Variants in HTRA3 observed in about 807,000 individuals in gnomAD.
The protein encoded by HTRA3 is serine protease HTRA3.
In HTRA3, 41 loss-of-function variants were observed where a neutral mutation model predicts 43.2. That is an observed-to-expected ratio of 0.95 (90% CI 0.74 to 1.23). The LOEUF is 1.23. Among genes scored for constraint, HTRA3 ranks in the 50% most tolerant of loss-of-function variants. The pLI is 0.00. For synonymous variants in HTRA3, 295 were observed against 287.9 expected, an observed-to-expected ratio of 1.02 and a Z score of -0.25; for missense variants, 628 against 647.1, an observed-to-expected ratio of 0.97 and a Z score of 0.32.
At chr4:8,298,410 T>C (rs548360035) in intron 6 of HTRA3, among the ~76,000 whole-genome samples, 1 of 152,384 alleles carries the variant, frequency 6.6e-6, no homozygotes, top group East Asian at 1.9e-4. Context: ...AGGAGCCCTT[T>C]ATCAGATAAG....
At chr4:8,276,587 G>T (rs1578788304) in intron 1 of HTRA3, among the ~76,000 whole-genome samples, 1 of 152,244 alleles carries the variant, frequency 6.6e-6, no homozygotes, top group Admixed American at 6.5e-5. Flanking sequence ...GCCTTCAGTG[G>T]CATGGAAGTG....
Position 8,296,462 on chromosome 4 carries a change from C to G in HTRA3, c.1051+2261C>G. ...GCTTCTCTTTTTTATTTAATAAAAT[C>G]CAATGATCCAAACCCAGTTAATCTA... On this transcript the variant is annotated intron_variant, in intron 6 of 8. Coordinates refer to ENST00000307358, the MANE Select transcript of HTRA3 (RefSeq NM_053044.5). The surrounding 1 kb of genome is among the most constrained non-coding windows in gnomAD (Gnocchi z 5.3). 1.0e-6 allele frequency: 1 copy of G among 984,838 alleles called. No homozygotes were observed. The highest frequency in any genetic ancestry group is 1.2e-6 in the Non-Finnish European group (1 of 829,382). The allele number at this position is 984,838 out of a possible 1,614,324, so 61.0% of individuals were successfully genotyped here.
In HTRA3 at chr4:8,292,314, C is replaced by G. The variant is rs1471766084; in HGVS notation, c.904-7C>G. 1 of 1,612,866 alleles carries G rather than the reference C, an allele frequency of 6.2e-7. No individual in the cohort carries two copies. Among genetic ancestry groups the G allele is most frequent in the African/African-American group, 1.3e-5 (1 of 74,930 alleles). Reference sequence around the variant, plus strand: ...GGCACAGCTAATGCTGTTTCCTCCCCTTGCAGTACGGGAACTCCGGGGGAC... The same window carrying G: ...GGCACAGCTAATGCTGTTTCCTCCCGTTGCAGTACGGGAACTCCGGGGGAC... On this transcript the variant is annotated splice_region_variant and splice_polypyrimidine_tract_variant and intron_variant, in intron 4 of 8. Transcript: ENST00000307358.
chr4:8,286,929 C>T lies in HTRA3; in HGVS notation c.708+146C>T, dbSNP rs1222883028. The stretch of plus-strand genomic sequence containing the variant: ...GGCCCAGGGAGGACTGGCAGCTGGC[C>T]CAGGGTCACGGCTTGGAAAAGACCT... On this transcript the variant is annotated intron_variant, in intron 3 of 8. Transcript: ENST00000307358. The surrounding 1 kb of genome is among the most constrained non-coding windows in gnomAD (Gnocchi z 4.9). 4.6e-6 allele frequency: 3 copies of T among 650,310 alleles called. No individual in the cohort carries two copies. Among genetic ancestry groups the T allele is most frequent in the East Asian group, 2.7e-5 (1 of 36,616 alleles). 40.3% of individuals were successfully genotyped at this position (650,310 alleles called of 1,614,324 possible). A position where few individuals can be genotyped will look rare whatever the true frequency, so the allele number is the denominator to read the frequency against.
At chr4:8,299,197 G>C (rs1350107259) in intron 6 of HTRA3, among the ~76,000 whole-genome samples, 4 of 151,954 alleles carry the variant, frequency 2.6e-5, no homozygotes, top group Non-Finnish European at 2.9e-5. Flanking sequence ...ACTGGTTTTT[G>C]GGCATTTTTC....
At chr4:8,299,338 A>G (rs1471727801) in intron 6 of HTRA3, among the ~76,000 whole-genome samples, 7 of 152,214 alleles carry the variant, frequency 4.6e-5, no homozygotes, top group African/African-American at 1.7e-4. Context: ...TCACCATAAG[A>G]TATCCTGTAA....
chr4:8,271,153 TC>T (rs949640229), intron 1 of HTRA3, among the ~76,000 whole-genome samples: 1 of 152,108 alleles, frequency 6.6e-6, no homozygotes, highest in African/African-American at 2.4e-5. Flanking sequence ...CAGAACAGGC[TC>T]CGTGGAGCCT....
chr4:8,271,644 G>A (rs1712281476), intron 1 of HTRA3, among the ~76,000 whole-genome samples: 3 of 152,226 alleles, frequency 2.0e-5, no homozygotes, highest in African/African-American at 7.2e-5. Context: ...AGACCAAGGT[G>A]CCAGCAGGCT....
chr4:8,277,255 G>A (rs985394469), intron 1 of HTRA3, among the ~76,000 whole-genome samples: 2 of 152,220 alleles, frequency 1.3e-5, no homozygotes, highest in African/African-American at 4.8e-5. Context: ...GAAAAGCAAA[G>A]GAAGCTGCCC....
chr4:8,274,680 G>A (rs187203649), intron 1 of HTRA3, among the ~76,000 whole-genome samples: 2 of 152,314 alleles, frequency 1.3e-5, no homozygotes, highest in Non-Finnish European at 2.9e-5. Flanking sequence ...TCCACGGGAT[G>A]GTAAAAGCAG....
At chr4:8,275,507 C>G in intron 1 of HTRA3, among the ~76,000 whole-genome samples, 1 of 152,200 alleles carries the variant, frequency 6.6e-6, no homozygotes, top group East Asian at 1.9e-4. Context: ...GCATGGAGCC[C>G]AGAAGAGGAA....
Position 8,294,148 on chromosome 4 carries a change from C to G in HTRA3, c.998C>G (p.Pro333Arg), listed in dbSNP as rs750601573. ...ACGGCTGGCATCTCCTTTGCCATCC[C>G]CTCAGACCGCATCACACGGTTCCTC... ...KVTAGISFAI[P>R]SDRITRFLTE... Residue 333 changes from proline to arginine, a missense_variant, in exon 6 of 9, where the codon CCC becomes CGC. Physicochemically the swap from Pro to Arg is moderately radical, Grantham distance 103. Transcript: ENST00000307358. 6.2e-7 allele frequency: 1 copy of G among 1,612,706 alleles called. No homozygotes were observed. Among genetic ancestry groups the G allele is most frequent in the Non-Finnish European group, 8.5e-7 (1 of 1,179,420 alleles).
In HTRA3 at chr4:8,286,849, C is replaced by A; in HGVS notation, c.708+66C>A. 8 of 1,289,752 alleles carry A rather than the reference C, an allele frequency of 6.2e-6. No homozygotes were observed. The South Asian group carries it at 9.4e-5, about 15-fold the overall frequency. 79.9% of individuals were successfully genotyped at this position (1,289,752 alleles called of 1,614,324 possible). The stretch of plus-strand genomic sequence containing the variant: ...GGGCATGGTGGCCTCTTCCCAGACG[C>A]CGGAACCCAGAGGCAAGCTAGCCCC... On this transcript the variant is annotated intron_variant, in intron 3 of 8. Transcript: ENST00000307358. This position sits in a 1 kb window ranked among gnomAD's most constrained non-coding sequence, Gnocchi z 4.9.
chr4:8,281,531 A>T (rs576664443), intron 1 of HTRA3, among the ~76,000 whole-genome samples: 11 of 152,356 alleles, frequency 7.2e-5, no homozygotes, highest in Admixed American at 3.9e-4. Flanking sequence ...CCACACAGCT[A>T]GAAAGCAGCC....
In HTRA3 at chr4:8,297,701, C is replaced by T. The variant is rs1156610259; in HGVS notation, c.1051+3500C>T. On this transcript the variant is annotated intron_variant, in intron 6 of 8. Coordinates refer to ENST00000307358, the MANE Select transcript of HTRA3 (RefSeq NM_053044.5). This position sits in a 1 kb window ranked among gnomAD's most constrained non-coding sequence, Gnocchi z 5.8. ...AGTGGGAGTGGGAAGGGCCCATGTC[C>T]CAGGTGGGCTGTGCAGGTCCTGTCG... Among the ~76,000 whole-genome samples, 1 of 152,064 alleles carries T rather than the reference C, an allele frequency of 6.6e-6. No individual in the cohort carries two copies. Among genetic ancestry groups the T allele is most frequent in the African/African-American group, 2.4e-5 (1 of 41,408 alleles).
rs754970407 is a variant in HTRA3 at position 8,305,983 on chromosome 4, A to C, written c.1209A>C (p.Gln403His). 1 of 1,610,908 alleles carries C rather than the reference A, an allele frequency of 6.2e-7. No individual in the cohort carries two copies. Among genetic ancestry groups the C allele is most frequent in the Admixed American group, 1.7e-5 (1 of 59,596 alleles). ...CTCCTGTTGGCAGAGGCGGCATCCA[A>C]GATGGTGACATCATCGTCAAGGTCA... ...PNSPSQRGGIQDGDIIVKVNG... is the reference protein window; with the variant it reads ...PNSPSQRGGIHDGDIIVKVNG... Residue 403 changes from glutamine (Q) to histidine (H), a missense_variant, in exon 9 of 9, where the codon CAA becomes CAC. Physicochemically the swap from Gln to His is conservative, Grantham distance 24 (BLOSUM62 0). Coordinates refer to ENST00000307358, the MANE Select transcript of HTRA3 (RefSeq NM_053044.5).
Position 8,282,400 on chromosome 4 carries a change from A to T in HTRA3, c.386-37A>T, listed in dbSNP as rs754607232. On this transcript the variant is annotated intron_variant, in intron 1 of 8. Transcript: ENST00000307358. ...GCCTCTGGGAGCTGGCAGCATCGTG[A>T]TCTCACTGATGCACCTGGCCCTTCC... 2.6e-6 allele frequency: 4 copies of T among 1,511,546 alleles called. No homozygotes were observed. The East Asian group carries it at 9.3e-5, about 35-fold the overall frequency. 93.6% of individuals were successfully genotyped at this position (1,511,546 alleles called of 1,614,324 possible).
chr4:8,305,953 C>T lies in HTRA3; in HGVS notation c.1197-18C>T, dbSNP rs765825613. ...CTGGGGAGGCGGTGGGTGGTGACCC[C>T]GTCTCTCCTGTTGGCAGAGGCGGCA... On this transcript the variant is annotated intron_variant, in intron 8 of 8. Coordinates refer to ENST00000307358, the MANE Select transcript of HTRA3 (RefSeq NM_053044.5). 49 of 1,610,548 alleles carry T rather than the reference C, an allele frequency of 3.0e-5. No homozygotes were observed. Among genetic ancestry groups the T allele is most frequent in the Middle Eastern group, 1.7e-4 (1 of 6,056 alleles).
intron 2 of HTRA3, among the ~76,000 whole-genome samples, chr4:8,282,789 T>C (rs1380341098): frequency 6.6e-6 from 1 of 152,226 alleles, no homozygotes; most frequent in Non-Finnish European, 1.5e-5. Flanking sequence ...CTTTGTCCCT[T>C]CATGCTGCTG....
Sources: gnomAD v4.1 joint callset for allele counts (sites outside exome capture counted in the v4.1 genomes callset) on GRCh38, gnomAD v4.1.1 for gene constraint, Gnocchi (gnomAD v3.1) non-coding constraint, MANE v1.5 for transcripts, NCBI Gene and HGNC (gene_info 2026-07-23, HGNC 2026-07-21) for gene names.